ADAM18: variants seen among roughly 807,000 people sequenced by gnomAD.
The protein encoded by ADAM18 is ADAM metallopeptidase domain 18.
ADAM18 carries 117 observed loss-of-function variants against 94.4 expected under a neutral mutation model. The ratio of observed to expected loss-of-function variants is 1.24; its 90% CI spans 1.07 to 1.45. The LOEUF (loss-of-function observed/expected upper bound fraction) is 1.45. Ranked by LOEUF, ADAM18 falls within the 40% of genes most tolerant of loss-of-function variation. ADAM18 has a pLI of 0.00. For missense variants in ADAM18, 936 were observed against 880.0 expected (o/e 1.06, Z -0.81); for synonymous variants, 327 against 291.6 (o/e 1.12, Z -1.24).
intron 12 of ADAM18, among the ~76,000 whole-genome samples, chr8:39,661,305 ACC>A (rs1820830353): frequency 7.5e-6 from 1 of 134,020 alleles, no homozygotes; most frequent in African/African-American, 3.0e-5. Flanking sequence ...GGCGCCCACC[ACC>A]ACACCCGGCA....
Position 39,663,852 on chromosome 8 carries a change from A to G in ADAM18, c.1288A>G (p.Lys430Glu). 1 of 1,612,466 alleles carries G rather than the reference A, an allele frequency of 6.2e-7. No homozygotes were observed. Among genetic ancestry groups the G allele is most frequent in the Non-Finnish European group, 8.5e-7 (1 of 1,179,638 alleles). The change falls in exon 13 of 20, where the codon AAA (lysine) becomes GAA (glutamate). Residue 430 changes from lysine (K) to glutamate (E), a missense_variant. By Grantham distance (56) the Lys-to-Glu change is moderately conservative (BLOSUM62 1). Coordinates refer to ENST00000265707, the MANE Select transcript of ADAM18 (RefSeq NM_014237.3). ...YNTCKLKGSV[K>E]CGSGPCCTSK... Reference sequence around the variant, plus strand: ...CACATGTAAACTGAAGGGCTCAGTAAAATGTGGTTCTGGACCATGTTGTAC... The same window carrying G: ...CACATGTAAACTGAAGGGCTCAGTAGAATGTGGTTCTGGACCATGTTGTAC...
At chr8:39,634,346 T>G (rs1003612694) in intron 7 of ADAM18, among the ~76,000 whole-genome samples, 2 of 152,100 alleles carry the variant, frequency 1.3e-5, no homozygotes, top group African/African-American at 4.8e-5. Flanking sequence ...CAATGCCCAG[T>G]GGAGACATAG....
At chr8:39,668,394 G>C (rs1322353890) in intron 14 of ADAM18, among the ~76,000 whole-genome samples, 198 bp downstream of exon 14, 3 of 152,006 alleles carry the variant, frequency 2.0e-5, no homozygotes, top group Non-Finnish European at 2.9e-5. Context: ...TTTTATTGTG[G>C]TTTGATTTTT....
chr8:39,602,472 G>A (rs1202637169), intron 2 of ADAM18, among the ~76,000 whole-genome samples: 4 of 152,174 alleles, frequency 2.6e-5, no homozygotes, highest in African/African-American at 9.6e-5. Context: ...CACCCTTACT[G>A]GAACTGCCTT....
intron 17 of ADAM18, among the ~76,000 whole-genome samples, chr8:39,696,998 A>C (rs1234074207): frequency 6.6e-6 from 1 of 151,548 alleles, no homozygotes; most frequent in African/African-American, 2.4e-5. Context: ...CAAATCATGA[A>C]CATGAGATGT....
intron 10 of ADAM18, 121 bp downstream of exon 10, chr8:39,638,667 T>C (rs1449667755): frequency 8.5e-6 from 4 of 470,414 alleles, no homozygotes; most frequent in Non-Finnish European, 1.4e-5. Context: ...ATATGTATAT[T>C]CATTATTATT....
intron 16 of ADAM18, among the ~76,000 whole-genome samples, chr8:39,688,526 C>A (rs1170671813): frequency 6.6e-6 from 1 of 152,144 alleles, no homozygotes; most frequent in African/African-American, 2.4e-5. Flanking sequence ...AGAATAATGA[C>A]CTCCAGCTCC....
At chr8:39,663,598 CAAAAAAAAA>C (rs10597769) in intron 12 of ADAM18, among the ~76,000 whole-genome samples, 188 bp from the exon 13 acceptor site, 65 of 19,588 alleles carry the variant, frequency 3.3e-3, no homozygotes, top group East Asian at 8.3e-3. Context: ...AATCCTGTCT[CAAAAAAAAA>C]AAAAAAAAAA....
At chr8:39,721,824 A>C (rs545305521) in intron 18 of ADAM18, among the ~76,000 whole-genome samples, 2 of 151,482 alleles carry the variant, frequency 1.3e-5, no homozygotes, top group South Asian at 4.1e-4. Context: ...TTAGTACTAT[A>C]ACCATGGAAA....
chr8:39,666,671 C>A (rs927523419), intron 13 of ADAM18, among the ~76,000 whole-genome samples: 1 of 152,124 alleles, frequency 6.6e-6, no homozygotes, highest in African/African-American at 2.4e-5. Context: ...GAGAAGAGAG[C>A]TTGTGCAGGG....
intron 19 of ADAM18, 129 bp from the exon 20 acceptor site, chr8:39,729,769 T>C: frequency 2.9e-6 from 2 of 682,840 alleles, no homozygotes; most frequent in South Asian, 2.1e-5. Flanking sequence ...ACCAAACTTA[T>C]CTATAATAAT....
intron 16 of ADAM18, among the ~76,000 whole-genome samples, chr8:39,680,691 C>A (rs1821432645): frequency 6.6e-6 from 1 of 152,056 alleles, no homozygotes; most frequent in Admixed American, 6.6e-5. Context: ...TATATACATG[C>A]ATGAATATAT....
intron 6 of ADAM18, among the ~76,000 whole-genome samples, chr8:39,620,407 A>C (rs1305943566): frequency 6.7e-6 from 1 of 149,158 alleles, no homozygotes; most frequent in Non-Finnish European, 1.5e-5. Flanking sequence ...ACAAAGAAAA[A>C]ATGTAAAAAA....
intron 18 of ADAM18, among the ~76,000 whole-genome samples, chr8:39,708,186 T>G (rs937322968): frequency 6.6e-6 from 1 of 152,184 alleles, no homozygotes; most frequent in African/African-American, 2.4e-5. Context: ...AGACAGTGGT[T>G]GCCCATGGTT....
chr8:39,713,990 C>T (rs1822497249), intron 18 of ADAM18, among the ~76,000 whole-genome samples: 1 of 152,128 alleles, frequency 6.6e-6, no homozygotes, highest in African/African-American at 2.4e-5. Flanking sequence ...CACATGCACA[C>T]ATATGTTTAT....
At chr8:39,680,448 A>G (rs916133784) in intron 16 of ADAM18, among the ~76,000 whole-genome samples, 2 of 152,218 alleles carry the variant, frequency 1.3e-5, no homozygotes, top group Non-Finnish European at 2.9e-5. Flanking sequence ...AAAAAAGTAC[A>G]TATATATTTT....
chr8:39,609,110 CATATTTTATGGTAAAGTAAG>C lies in ADAM18; in HGVS notation c.261_267+13del, dbSNP rs1197305633. Reference sequence around the variant, plus strand: ...ACTGGATCTTTGCATTCTGTGTCTCCATATTTTATGGTAAAGTAAGATACCTTATTTTTTTTGTTAAAGTG... The same window carrying C: ...ACTGGATCTTTGCATTCTGTGTCTCCATACCTTATTTTTTTTGTTAAAGTG... On this transcript the variant is annotated splice_donor_variant and splice_donor_5th_base_variant and coding_sequence_variant and intron_variant, in exon 4 of 20. Coordinates refer to ENST00000265707, the MANE Select transcript of ADAM18 (RefSeq NM_014237.3). LOFTEE classifies it high-confidence loss of function. 1.3e-6 allele frequency: 2 copies of C among 1,579,010 alleles called. No homozygotes were observed.
At position 39,585,482 on chromosome 8, in the gene ADAM18, C is replaced by T; in HGVS notation, c.132+130C>T. 13 of 670,042 alleles carry T rather than the reference C, an allele frequency of 1.9e-5. No homozygotes were observed. The South Asian group carries it at 2.7e-4, about 14-fold the overall frequency. 41.5% of individuals were successfully genotyped at this position (670,042 alleles called of 1,614,324 possible). A position where few individuals can be genotyped will look rare whatever the true frequency, so the allele number is the denominator to read the frequency against. On this transcript the variant is annotated intron_variant, in intron 2 of 19. Transcript: ENST00000265707. ...TAATATTTTGCCTGTGCTATTTTGTCTCCTACCGTGTTTTGATCCTCTTGT... is the reference window on the plus strand; with the variant it reads ...TAATATTTTGCCTGTGCTATTTTGTTTCCTACCGTGTTTTGATCCTCTTGT...
chr8:39,720,413 C>T (rs1390911137), intron 18 of ADAM18, among the ~76,000 whole-genome samples: 1 of 151,176 alleles, frequency 6.6e-6, no homozygotes, highest in Non-Finnish European at 1.5e-5. Flanking sequence ...AATAACAAAA[C>T]CTATCAAATT....
Sources: gnomAD v4.1 joint callset for allele counts (sites outside exome capture counted in the v4.1 genomes callset) on GRCh38, gnomAD v4.1.1 for gene constraint, MANE v1.5 for transcripts, NCBI Gene and HGNC (gene_info 2026-07-23, HGNC 2026-07-21) for gene names.